The following RYR1 variants were observed in gnomAD, a reference collection of about 807,000 sequenced individuals.
RYR1 encodes the protein ryanodine receptor 1, also known as central core disease of muscle.
Under a neutral mutation model 583.5 loss-of-function variants are expected in RYR1, and 342 were observed. That is an observed-to-expected ratio of 0.59 (90% CI 0.54 to 0.64). The LOEUF (loss-of-function observed/expected upper bound fraction) is 0.64. Among genes scored for constraint, RYR1 ranks in the 30% least tolerant of loss-of-function variants. The probability of loss-of-function intolerance (pLI) is 0.00; values close to 1 mark genes in which losing one functional copy is unlikely to be tolerated. For missense variants in RYR1, 6,032 were observed against 6,917.2 expected, an observed-to-expected ratio of 0.87 and a Z score of 4.54; for synonymous variants, 2,791 against 2,822.5, an observed-to-expected ratio of 0.99 and a Z score of 0.35.
chr19:38,549,976 G>A (rs1034077460), intron 89 of RYR1, among the ~76,000 whole-genome samples: 3 of 149,836 alleles, frequency 2.0e-5, no homozygotes, highest in African/African-American at 4.9e-5. Flanking sequence ...GGCTGGTCTT[G>A]AACTCCTGGC....
chr19:38,451,662 G>T, intron 11 of RYR1, 102 bp from the exon 12 acceptor site: 2 of 1,372,312 alleles, frequency 1.5e-6, no homozygotes, highest in Non-Finnish European at 2.1e-6. Flanking sequence ...CTGCAGAGCA[G>T]GGAGGAGGGG....
At chr19:38,519,556 T>C in intron 67 of RYR1, 102 bp downstream of exon 67, 1 of 1,363,974 alleles carries the variant, frequency 7.3e-7, no homozygotes, top group Non-Finnish European at 1.0e-6. Flanking sequence ...CTTCTTCCAA[T>C]GCTCTGGCCC....
intron 84 of RYR1, among the ~76,000 whole-genome samples, chr19:38,540,407 C>T (rs910807994): frequency 1.3e-4 from 17 of 132,504 alleles, no homozygotes; most frequent in African/African-American, 4.6e-4. Flanking sequence ...GTATAATAAA[C>T]CTCCAATCAT....
chr19:38,437,027 C>T (rs1972457460), intron 1 of RYR1, among the ~76,000 whole-genome samples: 1 of 151,520 alleles, frequency 6.6e-6, no homozygotes, highest in African/African-American at 2.4e-5. Context: ...TAACCAGAAC[C>T]CTCCGCTTCC....
intron 89 of RYR1, among the ~76,000 whole-genome samples, chr19:38,559,297 AATC>A (rs1245454849): frequency 6.8e-6 from 1 of 147,430 alleles, no homozygotes; most frequent in Non-Finnish European, 1.5e-5. Context: ...GCAATGGCAC[AATC>A]TTGGCTCACT....
chr19:38,580,348 C>T, intron 100 of RYR1, 22 bp from the exon 101 acceptor site: 1 of 1,613,586 alleles, frequency 6.2e-7, no homozygotes, highest in South Asian at 1.1e-5. Flanking sequence ...GCGGAGCTGA[C>T]CTGGCCCCAT....
In RYR1 at chr19:38,464,720, G is replaced by A; in HGVS notation, c.2868G>A (p.Lys956=). The A allele has an allele frequency of 6.3e-7, 1 of 1,579,960 alleles. No individual in the cohort carries two copies. The highest frequency in any genetic ancestry group is 8.6e-7 in the Non-Finnish European group (1 of 1,162,776). ...EDNLKKTKLP[K]TYMMSNGYKP... is the part of the protein sequence containing the mutation. Reference sequence around the variant, plus strand: ...ACCTGAAGAAGACAAAACTCCCCAAGACGTGAGTGTGGGCAGCCAGGTCCC... The same window carrying A: ...ACCTGAAGAAGACAAAACTCCCCAAAACGTGAGTGTGGGCAGCCAGGTCCC... Residue 956 remains lysine (K), a splice_region_variant and synonymous_variant, in exon 23 of 106, where the codon AAG becomes AAA. Transcript: ENST00000359596.
chr19:38,458,247 G>A lies in RYR1; in HGVS notation c.2122G>A (p.Asp708Asn), dbSNP rs138874610. 1,062 of 1,614,006 alleles carry A rather than the reference G, an allele frequency of 6.6e-4. 1 individual carries two copies. The highest frequency in any genetic ancestry group is 7.7e-4 in the Non-Finnish European group (910 of 1,179,996). The change falls in exon 18 of 106, where the codon GAT becomes AAT. Residue 708 changes from aspartate to asparagine, a missense_variant. This residue lies in a region of RYR1 where 2,627 missense variants were observed against 2,961.3 expected (regional missense o/e 0.89). Transcript: ENST00000359596. ...GGGCTGGGGCGGCAACGGGGTCGGC[G>A]ATGACCTCTATTCCTACGGCTTTGA... ...GEGWGGNGVGDDLYSYGFDGL... is the reference protein window; with the variant it reads ...GEGWGGNGVGNDLYSYGFDGL...
At chr19:38,571,702 A>ATGTTT (rs1443585209) in intron 94 of RYR1, among the ~76,000 whole-genome samples, 7 of 152,304 alleles carry the variant, frequency 4.6e-5, no homozygotes, top group African/African-American at 1.7e-4. Flanking sequence ...TGGCATATAA[A>ATGTTT]AAGCACTGTG....
rs1044891921 is a variant in RYR1, at chr19:38,527,948, A to T, written c.10824+164A>T. Reference sequence around the variant, plus strand: ...GGCGAGGCTTAGAATGGATCGGGGGAGGGGTCTGCTGCTTAATCTTGCATC... The same window carrying T: ...GGCGAGGCTTAGAATGGATCGGGGGTGGGGTCTGCTGCTTAATCTTGCATC... On this transcript the variant is annotated intron_variant, in intron 73 of 105. Coordinates refer to ENST00000359596, the MANE Select transcript of RYR1 (RefSeq NM_000540.3). The T allele has an allele frequency of 4.5e-5, 22 of 484,028 alleles. No individual in the cohort carries two copies. The African/African-American group carries it at 6.1e-4, about 13-fold the overall frequency. 30.0% of individuals were successfully genotyped at this position (484,028 alleles called of 1,614,324 possible). A position where few individuals can be genotyped will look rare whatever the true frequency, so the allele number is the denominator to read the frequency against.
At chr19:38,468,803 A>G (rs1217203846) in intron 25 of RYR1, among the ~76,000 whole-genome samples, 163 bp from the exon 26 acceptor site, 1 of 152,208 alleles carries the variant, frequency 6.6e-6, no homozygotes, top group Non-Finnish European at 1.5e-5. Context: ...TGCAAATGTG[A>G]GGAAAGATGG....
rs1394722307 is a variant in RYR1 at position 38,565,704 on chromosome 19, T to G, written c.13370T>G (p.Met4457Arg). 3.5e-6 allele frequency: 5 copies of G among 1,420,068 alleles called. No individual in the cohort carries two copies. Among genetic ancestry groups the G allele is most frequent in the Admixed American group, 3.0e-5 (1 of 32,888 alleles). 88.0% of individuals were successfully genotyped at this position (1,420,068 alleles called of 1,614,324 possible). A position where few individuals can be genotyped will look rare whatever the true frequency, so the allele number is the denominator to read the frequency against. Residue 4457 changes from methionine to arginine, a missense_variant, in exon 91 of 106, where the codon ATG (methionine) becomes AGG (arginine). Physicochemically the swap from Met to Arg is moderately conservative, Grantham distance 91. Around this residue, in one of 11 missense-constraint regions of RYR1, gnomAD observed 753 missense variants for 759.6 expected, o/e 0.99. Transcript: ENST00000359596. The surrounding 1 kb of genome is among the most constrained non-coding windows in gnomAD (Gnocchi z 4.7). The stretch of plus-strand genomic sequence containing the variant: ...GAAGGGGCTGGCGGTCTCGGGGACA[T>G]GGGGGACACGACGCCTGCGGAACCG... ...RPEGAGGLGD[M>R]GDTTPAEPPT...
intron 93 of RYR1, among the ~76,000 whole-genome samples, chr19:38,570,028 G>A (rs934156668): frequency 1.3e-5 from 2 of 152,164 alleles, no homozygotes; most frequent in Non-Finnish European, 2.9e-5. Context: ...ACTGAGTGTG[G>A]TGGTGCATAC....
At position 38,485,813 on chromosome 19, in the gene RYR1, G is replaced by T; in HGVS notation, c.5158G>T (p.Glu1720Ter). 6.2e-7 allele frequency: 1 copy of T among 1,613,306 alleles called. No homozygotes were observed. Among genetic ancestry groups the T allele is most frequent in the Non-Finnish European group, 8.5e-7 (1 of 1,179,968 alleles). ...TGACCTCCTCATCAGCATCCACCTC[G>T]AAAGTGCCTGCCGCAGCCGCCGCTC... ...YYDLLISIHL[E>*]SACRSRRSML... The change falls in exon 34 of 106, where the codon GAA becomes TAA. Residue 1720 changes from glutamate (E) to a stop codon, truncating the protein, a stop_gained. Coordinates refer to ENST00000359596, the MANE Select transcript of RYR1 (RefSeq NM_000540.3). LOFTEE classifies it high-confidence loss of function.
chr19:38,558,713 A>C (rs1972987639), intron 89 of RYR1, among the ~76,000 whole-genome samples: 1 of 152,196 alleles, frequency 6.6e-6, no homozygotes, highest in Non-Finnish European at 1.5e-5. Flanking sequence ...CTGGAGGCAG[A>C]GGTTTCAGTG....
Position 38,510,566 on chromosome 19 carries a change from G to T in RYR1, c.9000+1G>T, listed in dbSNP as rs111364670. 1 of 1,614,148 alleles carries T rather than the reference G, an allele frequency of 6.2e-7. No homozygotes were observed. On this transcript the variant is annotated splice_donor_variant, in intron 59 of 105. Coordinates refer to ENST00000359596, the MANE Select transcript of RYR1 (RefSeq NM_000540.3). LOFTEE classifies it high-confidence loss of function. ...ACAGGAGATTAAATTCTTTGCCAAG[G>T]TGAGAGGTGGGCTTAGAAGCTGGAG... is the stretch of plus-strand genomic sequence containing the variant.
chr19:38,585,065 C>T lies in RYR1; in HGVS notation c.14769C>T (p.Phe4923=). 6.2e-7 allele frequency: 1 copy of T among 1,614,022 alleles called. No homozygotes were observed. Among genetic ancestry groups the T allele is most frequent in the Non-Finnish European group, 8.5e-7 (1 of 1,179,986 alleles). ...TGGTCTTCGACATCACCTTCTTCTTCTTCGTCATCGTCATCCTGTTGGCCA... is the reference window on the plus strand; with the variant it reads ...TGGTCTTCGACATCACCTTCTTCTTTTTCGTCATCGTCATCCTGTTGGCCA... The part of the protein sequence containing the change: ...YRVVFDITFF[F]FVIVILLAII... Residue 4923 remains phenylalanine (F), a synonymous_variant, in exon 102 of 106, where the codon TTC becomes TTT. Transcript: ENST00000359596.
rs777752603 is a variant in RYR1, at chr19:38,548,274, A to G, written c.12136A>G (p.Met4046Val). Residue 4046 changes from methionine to valine, a missense_variant, in exon 89 of 106, where the codon ATG (methionine) becomes GTG (valine). Physicochemically the swap from Met to Val is conservative, Grantham distance 21. Around this residue, in one of 11 missense-constraint regions of RYR1, gnomAD observed 753 missense variants for 759.6 expected, o/e 0.99. Transcript: ENST00000359596. ...CATGATCGCCCGGCAGATGGTGGACATGCTCGTGGAATCCTCATCCAATGT... is the reference window on the plus strand; with the variant it reads ...CATGATCGCCCGGCAGATGGTGGACGTGCTCGTGGAATCCTCATCCAATGT... ...NGMIARQMVD[M>V]LVESSSNVEM... is the part of the protein sequence containing the mutation. The G allele has an allele frequency of 5.0e-6, 8 of 1,614,094 alleles. No individual in the cohort carries two copies. In the Admixed American group the frequency reaches 1.2e-4, roughly 24 times the overall value.
In RYR1 at chr19:38,516,157, C is replaced by A. The variant is rs1970958999; in HGVS notation, c.9625C>A (p.Gln3209Lys). 1 of 1,557,990 alleles carries A rather than the reference C, an allele frequency of 6.4e-7. No homozygotes were observed. Among genetic ancestry groups the A allele is most frequent in the Non-Finnish European group, 8.7e-7 (1 of 1,150,850 alleles). Residue 3209 changes from glutamine to lysine, a missense_variant, in exon 65 of 106, where the codon CAG (glutamine) becomes AAG (lysine). By Grantham distance (53) the Gln-to-Lys change is moderately conservative. Around this residue, in one of 11 missense-constraint regions of RYR1, gnomAD observed 1,493 missense variants for 1,715.5 expected, o/e 0.87. Coordinates refer to ENST00000359596, the MANE Select transcript of RYR1 (RefSeq NM_000540.3). ...AAMPVAFLEPQLNEYNACSVY... is the reference protein window; with the variant it reads ...AAMPVAFLEPKLNEYNACSVY... ...CATGCCGGTGGCGTTCCTGGAGCCG[C>A]AGCTGAACGAGTACAACGCCTGCTC...
Sources: gnomAD v4.1 joint callset for allele counts (sites outside exome capture counted in the v4.1 genomes callset) on GRCh38, gnomAD v4.1.1 for gene constraint, gnomAD v4.1.1 regional missense constraint, Gnocchi (gnomAD v3.1) non-coding constraint, MANE v1.5 for transcripts, NCBI Gene and HGNC (gene_info 2026-07-23, HGNC 2026-07-21) for gene names.